The following KCTD1 variants were observed in gnomAD, a reference collection of about 807,000 sequenced individuals.
KCTD1 encodes potassium channel tetramerization domain containing 1, also known as BTB/POZ domain-containing protein KCTD1.
In KCTD1, 24 loss-of-function variants were observed where a neutral mutation model predicts 66.0. That is an observed-to-expected ratio of 0.36 (90% CI 0.26 to 0.51). The LOEUF is 0.51. Ranked by LOEUF, KCTD1 falls within the 20% of genes least tolerant of loss-of-function variation. The probability of loss-of-function intolerance (pLI) is 0.95; values close to 1 mark genes in which losing one functional copy is unlikely to be tolerated. For synonymous variants in KCTD1, 511 were observed against 517.2 expected (o/e 0.99, Z 0.16); for missense variants, 943 against 1,205.2 (o/e 0.78, Z 3.22).
At chr18:26,572,159 A>G (rs780388535) in intron 1 of KCTD1, among the ~76,000 whole-genome samples, 33 of 151,658 alleles carry the variant, frequency 2.2e-4, no homozygotes, top group Non-Finnish European at 3.2e-4. Flanking sequence ...TCCCAGGTTC[A>G]AGTGATTCTC....
Position 26,546,974 on chromosome 18 carries a change from C to G in KCTD1, c.1563G>C (p.Gln521His). The G allele has an allele frequency of 1.4e-6, 2 of 1,424,326 alleles. No homozygotes were observed. Among genetic ancestry groups the G allele is most frequent in the African/African-American group, 2.9e-5 (2 of 67,934 alleles). 88.2% of individuals were successfully genotyped at this position (1,424,326 alleles called of 1,614,324 possible). A position where few individuals can be genotyped will look rare whatever the true frequency, so the allele number is the denominator to read the frequency against. Reference sequence around the variant, plus strand: ...CCTCGGATTTCACGTCGGGCCCGACCTGGCTGTCTTTGGGGAGGATGTAAG... The same window carrying G: ...CCTCGGATTTCACGTCGGGCCCGACGTGGCTGTCTTTGGGGAGGATGTAAG... The part of the protein sequence containing the change: ...GNTYILPKDS[Q>H]VGPDVKSEAA... The change falls in exon 1 of 5, where the codon CAG becomes CAC. Residue 521 changes from glutamine (Q) to histidine (H), a missense_variant. Coordinates refer to ENST00000580059, the MANE Select transcript of KCTD1 (RefSeq NM_001142730.3).
chr18:26,596,103 C>T (rs1278360652), intron 1 of KCTD1, among the ~76,000 whole-genome samples: 1 of 152,120 alleles, frequency 6.6e-6, no homozygotes, highest in African/African-American at 2.4e-5. Context: ...TTGTAATGGA[C>T]TGAATGTTTG....
At chr18:26,620,895 C>T (rs1025537121) in intron 1 of KCTD1, among the ~76,000 whole-genome samples, 1 of 148,382 alleles carries the variant, frequency 6.7e-6, no homozygotes, top group Non-Finnish European at 1.5e-5. Flanking sequence ...TGCCGTGGCG[C>T]GATCTCGGCT....
upstream of KCTD1, chr18:26,549,201 G>A (rs1985437918): frequency 8.1e-6 from 8 of 986,238 alleles, no homozygotes; most frequent in South Asian, 2.7e-4. Flanking sequence ...GCGAGGCTTG[G>A]GAGCGGGATG....
At chr18:26,630,007 G>T (rs147158675), upstream of KCTD1, among the ~76,000 whole-genome samples, 273 of 152,254 alleles carry the variant, frequency 1.8e-3, no homozygotes, top group Admixed American at 5.0e-3. Context: ...TGGTTCCTGA[G>T]GTATAGCCCA....
At chr18:26,478,409 C>T (rs1055319730) in intron 2 of KCTD1, among the ~76,000 whole-genome samples, 45 of 152,098 alleles carry the variant, frequency 3.0e-4, no homozygotes, top group African/African-American at 9.7e-4. Context: ...TTACCAATAT[C>T]GAATGAAAGC....
intron 2 of KCTD1, among the ~76,000 whole-genome samples, chr18:26,485,253 A>T (rs1028207327): frequency 1.3e-5 from 2 of 152,242 alleles, no homozygotes; most frequent in South Asian, 4.1e-4. Context: ...AGGTACCATT[A>T]TCCCCATTTT....
At chr18:26,554,623 T>C (rs1454480079) in intron 1 of KCTD1, among the ~76,000 whole-genome samples, 1 of 152,232 alleles carries the variant, frequency 6.6e-6, no homozygotes, top group East Asian at 1.9e-4. Context: ...TTCCTATTTT[T>C]TTCTTCAATG....
chr18:26,593,697 TAAGCAG>T, intron 1 of KCTD1, among the ~76,000 whole-genome samples: 1 of 61,756 alleles, frequency 1.6e-5, no homozygotes, highest in African/African-American at 7.0e-5. Flanking sequence ...AGGAAGAAGA[TAAGCAG>T]GAGGAGGAAG....
chr18:26,635,872 G>A (rs1334029436), intron 1 of KCTD1, among the ~76,000 whole-genome samples: 1 of 152,118 alleles, frequency 6.6e-6, no homozygotes. Context: ...TGGGAGATAG[G>A]TTCTTTTATC....
At chr18:26,590,443 T>C (rs1986574498) in intron 1 of KCTD1, among the ~76,000 whole-genome samples, 1 of 152,164 alleles carries the variant, frequency 6.6e-6, no homozygotes, top group South Asian at 2.1e-4. Flanking sequence ...CTGAGTCTGT[T>C]ATTATTAGTG....
chr18:26,632,078 A>AAC (rs1555648538), upstream of KCTD1, among the ~76,000 whole-genome samples: 6 of 148,472 alleles, frequency 4.0e-5, no homozygotes, highest in East Asian at 2.1e-4. Context: ...ACAAAAAAAA[A>AAC]CCATTTCATT....
intron 1 of KCTD1, among the ~76,000 whole-genome samples, chr18:26,584,002 A>G (rs1254090014): frequency 6.6e-6 from 1 of 152,248 alleles, no homozygotes; most frequent in African/African-American, 2.4e-5. Context: ...TCCACAGATC[A>G]AGAAATAAAT....
chr18:26,592,558 C>A (rs1986632920), intron 1 of KCTD1, among the ~76,000 whole-genome samples: 1 of 152,188 alleles, frequency 6.6e-6, no homozygotes, highest in African/African-American at 2.4e-5. Flanking sequence ...GCCTAGTAAA[C>A]CATCACAGTC....
At chr18:26,590,059 A>G (rs191686850) in intron 1 of KCTD1, among the ~76,000 whole-genome samples, 20 of 152,244 alleles carry the variant, frequency 1.3e-4, no homozygotes, top group Non-Finnish European at 2.2e-4. Flanking sequence ...TCTGTACTTC[A>G]TAAGTGAATG....
At chr18:26,622,991 T>G (rs953972595) in intron 1 of KCTD1, among the ~76,000 whole-genome samples, 1 of 152,238 alleles carries the variant, frequency 6.6e-6, no homozygotes, top group Non-Finnish European at 1.5e-5. Flanking sequence ...ATCATCTATA[T>G]GCAATCAGCC....
At chr18:26,634,146 A>G (rs1224472993), upstream of KCTD1, among the ~76,000 whole-genome samples, 2 of 152,216 alleles carry the variant, frequency 1.3e-5, no homozygotes, top group Admixed American at 6.5e-5. Flanking sequence ...ATGTATCAGT[A>G]TGTTTAAATA....
intron 2 of KCTD1, among the ~76,000 whole-genome samples, chr18:26,491,315 T>G (rs1982190710): frequency 6.6e-6 from 1 of 152,166 alleles, no homozygotes; most frequent in Non-Finnish European, 1.5e-5. Context: ...ATCCCAGTGT[T>G]GTCAAGTGCA....
At chr18:26,475,039 G>A (rs2144597318) in intron 3 of KCTD1, among the ~76,000 whole-genome samples, 1 of 151,692 alleles carries the variant, frequency 6.6e-6, no homozygotes, top group South Asian at 2.1e-4. Context: ...CCACCTTTAT[G>A]GTACATCAAA....
Sources: gnomAD v4.1 joint callset for allele counts (sites outside exome capture counted in the v4.1 genomes callset) on GRCh38, gnomAD v4.1.1 for gene constraint, MANE v1.5 for transcripts, NCBI Gene and HGNC (gene_info 2026-07-23, HGNC 2026-07-21) for gene names.